POU2F3: variants seen among roughly 807,000 people sequenced by gnomAD.
POU2F3 encodes POU class 2 homeobox 3.
POU2F3 carries 23 observed loss-of-function variants against 59.2 expected under a neutral mutation model. That is an observed-to-expected ratio of 0.39 (90% CI 0.28 to 0.55). The LOEUF (loss-of-function observed/expected upper bound fraction) is 0.55, where lower values mean the gene tolerates loss of function less well. Among genes scored for constraint, POU2F3 ranks in the 20% least tolerant of loss-of-function variants. The probability of loss-of-function intolerance (pLI) is 0.66; values close to 1 mark genes in which losing one functional copy is unlikely to be tolerated. For synonymous variants in POU2F3, 190 were observed against 214.6 expected, an observed-to-expected ratio of 0.89 and a Z score of 1.00; for missense variants, 473 against 544.5, an observed-to-expected ratio of 0.87 and a Z score of 1.31.
rs2282537 is a variant in POU2F3, at chr11:120,317,262, G to A, written c.1169G>A (p.Arg390Lys). The change falls in exon 12 of 13, where the codon AGG becomes AAG. Residue 390 changes from arginine to lysine, a missense_variant. Coordinates refer to ENST00000543440, the MANE Select transcript of POU2F3 (RefSeq NM_014352.4). ...TCCTGTTCCCCTGGGAACAACAGCA[G>A]GCCTTCATCTCCTGGCTCAGGACTC... ...TSSCSPGNNSRPSSPGSGLHA... is the reference protein window; with the variant it reads ...TSSCSPGNNSKPSSPGSGLHA... 0.14 allele frequency: 229,330 copies of A among 1,613,774 alleles called. 17,547 individuals carry two copies. The highest frequency in any genetic ancestry group is 0.23 in the South Asian group (21,214 of 91,056).
At chr11:120,305,254 G>A (rs771770373) in intron 7 of POU2F3, 42 bp downstream of exon 7, 45 of 1,592,972 alleles carry the variant, frequency 2.8e-5, no homozygotes, top group African/African-American at 1.3e-4. Flanking sequence ...CTAGCCGAGC[G>A]GCTGGAGACT....
chr11:120,284,996 G>A (rs1940728273), intron 3 of POU2F3, among the ~76,000 whole-genome samples: 1 of 152,198 alleles, frequency 6.6e-6, no homozygotes, highest in Non-Finnish European at 1.5e-5. Flanking sequence ...GAAATGGAGT[G>A]CAGGTGTACA....
rs537449649 is a variant in POU2F3, at chr11:120,258,722, G to A, written c.98-10488G>A. On this transcript the variant is annotated intron_variant, in intron 2 of 12. Transcript: ENST00000543440. ...CTTGGATCTTTTGGCCCCGTTCCTT[G>A]CAGCAGTGGCCTGAGTGCCTGGACA... 3.9e-5 allele frequency among the ~76,000 whole-genome samples: 6 copies of A among 152,314 alleles called. No individual in the cohort carries two copies. In the East Asian group the frequency reaches 1.2e-3, roughly 29 times the overall value.
intron 11 of POU2F3, among the ~76,000 whole-genome samples, chr11:120,316,090 T>C (rs1300566245): frequency 6.6e-6 from 1 of 152,066 alleles, no homozygotes; most frequent in Non-Finnish European, 1.5e-5. Flanking sequence ...GTCAGGCTGG[T>C]CTTGAACTCC....
intron 10 of POU2F3, among the ~76,000 whole-genome samples, chr11:120,313,549 T>C (rs1311952756): frequency 1.3e-5 from 2 of 152,146 alleles, no homozygotes; most frequent in African/African-American, 4.8e-5. Context: ...TGGAATAAAA[T>C]GATTAGCAGG....
chr11:120,276,913 C>T (rs549223383), intron 3 of POU2F3, among the ~76,000 whole-genome samples: 6 of 151,892 alleles, frequency 4.0e-5, no homozygotes, highest in South Asian at 2.1e-4. Context: ...TTTGGGAGGC[C>T]GAGGTGGGTG....
chr11:120,307,635 G>A lies in POU2F3; in HGVS notation c.906+20G>A. On this transcript the variant is annotated intron_variant, in intron 9 of 12. Coordinates refer to ENST00000543440, the MANE Select transcript of POU2F3 (RefSeq NM_014352.4). ...CAAGATGTGAGCAGCACCTTCGGGT[G>A]GGCACGGGTGGGCTACCTCACACAG... 6.2e-7 allele frequency: 1 copy of A among 1,613,454 alleles called. No individual in the cohort carries two copies. Among genetic ancestry groups the A allele is most frequent in the Non-Finnish European group, 8.5e-7 (1 of 1,179,664 alleles).
At chr11:120,249,757 C>T (rs1301721004) in intron 2 of POU2F3, 1 of 152,174 alleles carries the variant, frequency 6.6e-6, no homozygotes, top group Non-Finnish European at 1.5e-5. Flanking sequence ...CCTCCTCCCA[C>T]AGCAGGCACA....
intron 2 of POU2F3, among the ~76,000 whole-genome samples, chr11:120,262,809 A>G (rs1939654048): frequency 1.3e-5 from 2 of 152,208 alleles, no homozygotes; most frequent in African/African-American, 4.8e-5. Context: ...ACTATCCAAT[A>G]TGAAGTAGAA....
At chr11:120,258,437 C>T (rs1210549758) in intron 2 of POU2F3, among the ~76,000 whole-genome samples, 3 of 152,242 alleles carry the variant, frequency 2.0e-5, no homozygotes, top group Admixed American at 6.5e-5. Context: ...ATTTGCTGGT[C>T]GCATGACTTT....
chr11:120,242,268 C>A (rs1180445500), intron 1 of POU2F3, among the ~76,000 whole-genome samples: 1 of 152,188 alleles, frequency 6.6e-6, no homozygotes, highest in Non-Finnish European at 1.5e-5. Flanking sequence ...AACTGGGTCT[C>A]TATTAGAGGG....
chr11:120,283,364 C>G (rs931671015), intron 3 of POU2F3, among the ~76,000 whole-genome samples: 2 of 152,182 alleles, frequency 1.3e-5, no homozygotes, highest in African/African-American at 2.4e-5. Flanking sequence ...TATGGAGCAG[C>G]AGCATCTGGG....
At chr11:120,281,175 T>C (rs1232831690) in intron 3 of POU2F3, among the ~76,000 whole-genome samples, 1 of 152,052 alleles carries the variant, frequency 6.6e-6, no homozygotes, top group African/African-American at 2.4e-5. Flanking sequence ...CAGGTGCTGT[T>C]TCTGTGTCCC....
In POU2F3 at chr11:120,315,245, C is replaced by T. The variant is rs573503257; in HGVS notation, c.1069-116C>T. 1.2e-4 allele frequency: 116 copies of T among 948,502 alleles called. No homozygotes were observed. In the South Asian group the frequency reaches 1.6e-3, roughly 13 times the overall value. The allele number at this position is 948,502 out of a possible 1,614,324, so 58.8% of individuals were successfully genotyped here. On this transcript the variant is annotated intron_variant, in intron 10 of 12. Transcript: ENST00000543440. ...GGATGGCATGTAGGCTAGGAAATCA[C>T]CAAGGAAGCCAAGCCCTGGTCTCTG... is the stretch of plus-strand genomic sequence containing the variant.
intron 2 of POU2F3, among the ~76,000 whole-genome samples, chr11:120,254,509 C>T (rs940396671): frequency 4.6e-5 from 7 of 152,310 alleles, no homozygotes; most frequent in East Asian, 1.9e-4. Flanking sequence ...CACTTCCCCC[C>T]GGAAGGGCTT....
chr11:120,280,640 G>A (rs1258678971), intron 3 of POU2F3, among the ~76,000 whole-genome samples: 1 of 145,024 alleles, frequency 6.9e-6, no homozygotes, highest in Non-Finnish European at 1.5e-5. Context: ...AAAAGAGAGA[G>A]AGAGAGAGTG....
At chr11:120,246,647 T>C (rs1001735410) in intron 2 of POU2F3, 130 bp downstream of exon 2, 2 of 880,790 alleles carry the variant, frequency 2.3e-6, no homozygotes, top group African/African-American at 1.7e-5. Context: ...TCTTAGGAAC[T>C]AAGGGAATTC....
At chr11:120,315,034 C>T (rs567569161) in intron 10 of POU2F3, among the ~76,000 whole-genome samples, 2 of 152,354 alleles carry the variant, frequency 1.3e-5, no homozygotes, top group South Asian at 2.1e-4. Flanking sequence ...AGAGGCTTGT[C>T]TTGCTCACCT....
intron 5 of POU2F3, among the ~76,000 whole-genome samples, chr11:120,300,034 G>C (rs1215610423): frequency 6.6e-6 from 1 of 152,178 alleles, no homozygotes; most frequent in Non-Finnish European, 1.5e-5. Context: ...ACAAGGGAGG[G>C]GAAGCGCCCT....
Sources: gnomAD v4.1 joint callset for allele counts (sites outside exome capture counted in the v4.1 genomes callset) on GRCh38, gnomAD v4.1.1 for gene constraint, MANE v1.5 for transcripts, NCBI Gene and HGNC (gene_info 2026-07-23, HGNC 2026-07-21) for gene names.